The following MCC variants were observed in gnomAD, a reference collection of about 807,000 sequenced individuals.
MCC encodes colorectal mutant cancer protein.
MCC carries 90 observed loss-of-function variants against 116.2 expected under a neutral mutation model. The observed-to-expected ratio is 0.77, with a 90% CI of 0.65 to 0.92. MCC has a LOEUF of 0.92. MCC is among the 40% of genes least tolerant of loss of function. The pLI is 0.00. For missense variants in MCC, 1,516 were observed against 1,312.2 expected, an observed-to-expected ratio of 1.16 and a Z score of -2.40; for synonymous variants, 578 against 510.5, an observed-to-expected ratio of 1.13 and a Z score of -1.78.
At chr5:113,085,836 C>T (rs901870168) in intron 8 of MCC, among the ~76,000 whole-genome samples, 2 of 152,106 alleles carry the variant, frequency 1.3e-5, no homozygotes, top group Non-Finnish European at 2.9e-5. Context: ...GGACTAGGTG[C>T]ACACACCACA....
intron 3 of MCC, among the ~76,000 whole-genome samples, chr5:113,205,258 G>C (rs1464516884): frequency 6.6e-6 from 1 of 152,228 alleles, no homozygotes; most frequent in Non-Finnish European, 1.5e-5. Flanking sequence ...AGGTGGGTTT[G>C]AGATCTAGAA....
At chr5:113,133,149 G>A (rs948744992) in intron 5 of MCC, among the ~76,000 whole-genome samples, 1 of 152,060 alleles carries the variant, frequency 6.6e-6, no homozygotes, top group African/African-American at 2.4e-5. Flanking sequence ...TTTATGCTGG[G>A]AACATTCAAA....
In MCC at chr5:113,169,461, G is replaced by A. The variant is rs74719095; in HGVS notation, c.628-18039C>T. On this transcript the variant is annotated intron_variant, in intron 3 of 18. Coordinates refer to ENST00000408903, the MANE Select transcript of MCC (RefSeq NM_001085377.2). The stretch of plus-strand genomic sequence containing the variant: ...CCCTATAACCAGCATGGACCAGCAA[G>A]GCCAAGCACACCAAGGAATGCTGAT... Among the ~76,000 whole-genome samples the A allele has an allele frequency of 5.2e-3, 798 of 152,208 alleles. 10 individuals carry two copies. Among genetic ancestry groups the A allele is most frequent in the African/African-American group, 0.018 (745 of 41,520 alleles).
intron 1 of MCC, among the ~76,000 whole-genome samples, chr5:113,441,388 A>G (rs1771036999): frequency 6.6e-6 from 1 of 152,212 alleles, no homozygotes; most frequent in South Asian, 2.1e-4. Flanking sequence ...TAGTAGAGAA[A>G]AGAGAATGGT....
intron 3 of MCC, among the ~76,000 whole-genome samples, chr5:113,292,249 A>G (rs938979019): frequency 2.2e-4 from 34 of 152,140 alleles, no homozygotes; most frequent in African/African-American, 8.2e-4. Context: ...TAAATAAATA[A>G]AAATTTAAAA....
chr5:113,201,618 A>C (rs902458244), intron 3 of MCC, among the ~76,000 whole-genome samples: 1 of 152,148 alleles, frequency 6.6e-6, no homozygotes, highest in Non-Finnish European at 1.5e-5. Context: ...TCATTTTCCA[A>C]ACTTTTATGA....
At position 113,022,371 on chromosome 5, in the gene MCC, C is replaced by T. The variant is rs1258569394; in HGVS notation, c.*4931G>A. The T allele has an allele frequency of 6.6e-6, 1 of 152,562 alleles. No individual in the cohort carries two copies. Among genetic ancestry groups the T allele is most frequent in the Non-Finnish European group, 1.5e-5 (1 of 67,996 alleles). 9.5% of individuals were successfully genotyped at this position (152,562 alleles called of 1,614,324 possible). A position where few individuals can be genotyped will look rare whatever the true frequency, so the allele number is the denominator to read the frequency against. ...AACAGTAGAACAATACTGACAAATG[C>T]AAACTTAGTCACATGTGCTTTAATA... On this transcript the variant is annotated 3_prime_UTR_variant, in exon 19 of 19. Coordinates refer to ENST00000408903, the MANE Select transcript of MCC (RefSeq NM_001085377.2).
chr5:113,096,989 A>G (rs971773775), intron 8 of MCC, among the ~76,000 whole-genome samples: 1 of 152,160 alleles, frequency 6.6e-6, no homozygotes, highest in Non-Finnish European at 1.5e-5. Context: ...AGCGGTGTTG[A>G]GACAGGACTT....
chr5:113,299,006 A>G (rs1766782984), intron 3 of MCC, among the ~76,000 whole-genome samples: 1 of 151,816 alleles, frequency 6.6e-6, no homozygotes, highest in Non-Finnish European at 1.5e-5. Context: ...TAGGGCTTCC[A>G]GGCCGGATGC....
At chr5:113,356,036 G>T (rs914874649) in intron 2 of MCC, among the ~76,000 whole-genome samples, 1 of 150,372 alleles carries the variant, frequency 6.7e-6, no homozygotes, top group African/African-American at 2.4e-5. Context: ...ACAACTATTG[G>T]GTCCTTTGAA....
chr5:113,468,818 T>C (rs1263311181), intron 1 of MCC, among the ~76,000 whole-genome samples: 1 of 152,174 alleles, frequency 6.6e-6, no homozygotes, highest in African/African-American at 2.4e-5. Flanking sequence ...GTCCTGGACT[T>C]TTTTTGGTTG....
rs1372236261 is a variant in MCC at position 113,043,546 on chromosome 5, T to A, written c.2740A>T (p.Thr914Ser). The change falls in exon 17 of 19, where the codon ACC becomes TCC. Residue 914 changes from threonine to serine, a missense_variant. Transcript: ENST00000408903. The stretch of plus-strand genomic sequence containing the variant: ...GGTGCTTACCGACGAATGGCGTTGG[T>A]GAACTCCGCAGCCAGCTCATTCTCG... ...CSENELAAEF[T>S]NAIRREKKLK... 2 of 1,614,032 alleles carry A rather than the reference T, an allele frequency of 1.2e-6. No individual in the cohort carries two copies. The highest frequency in any genetic ancestry group is 1.7e-6 in the Non-Finnish European group (2 of 1,179,980).
intron 1 of MCC, among the ~76,000 whole-genome samples, chr5:113,393,775 T>C (rs1366393): frequency 0.44 from 66,912 of 152,054 alleles, 16,138 homozygotes; most frequent in African/African-American, 0.63. Context: ...TTCTCTTCAG[T>C]GCTTAATGCC....
chr5:113,033,824 C>T (rs767357757), intron 17 of MCC, among the ~76,000 whole-genome samples: 2 of 152,198 alleles, frequency 1.3e-5, no homozygotes, highest in Non-Finnish European at 2.9e-5. Flanking sequence ...CACGTCTTCC[C>T]ACTTCAGCTT....
chr5:113,255,847 G>T (rs1764984451), intron 3 of MCC, among the ~76,000 whole-genome samples: 1 of 152,166 alleles, frequency 6.6e-6, no homozygotes, highest in Non-Finnish European at 1.5e-5. Flanking sequence ...ATAAAATGCT[G>T]CTTGGAGTGT....
intron 11 of MCC, among the ~76,000 whole-genome samples, chr5:113,076,194 G>A (rs766604325): frequency 9.2e-5 from 14 of 152,208 alleles, no homozygotes; most frequent in Non-Finnish European, 1.6e-4. Flanking sequence ...TGGTGGACCT[G>A]AAAGTGATGG....
chr5:113,312,802 C>T (rs1449747851), intron 3 of MCC, among the ~76,000 whole-genome samples: 2 of 151,914 alleles, frequency 1.3e-5, no homozygotes, highest in Non-Finnish European at 2.9e-5. Context: ...TAATCTAGTC[C>T]TGAAAAAAAT....
At chr5:113,239,643 G>C (rs1764287922) in intron 3 of MCC, among the ~76,000 whole-genome samples, 1 of 152,192 alleles carries the variant, frequency 6.6e-6, no homozygotes, top group Non-Finnish European at 1.5e-5. Context: ...CGAGTTCTGA[G>C]ACTTCAAAGT....
chr5:113,067,395 C>T (rs898983850), intron 13 of MCC, among the ~76,000 whole-genome samples: 1 of 152,184 alleles, frequency 6.6e-6, no homozygotes, highest in Non-Finnish European at 1.5e-5. Flanking sequence ...CGCATGTAAT[C>T]CCAGCACTTT....
Sources: allele counts gnomAD v4.1 joint callset (sites outside exome capture counted in the v4.1 genomes callset), GRCh38; gene constraint gnomAD v4.1.1; transcripts MANE v1.5; gene names NCBI Gene and HGNC (gene_info 2026-07-23, HGNC 2026-07-21).